ELAVL4: variants seen among roughly 807,000 people sequenced by gnomAD.
ELAVL4 encodes ELAV-like protein 4.
A neutral mutation model predicts 35.6 loss-of-function variants in ELAVL4; 1 was observed. The ratio of observed to expected loss-of-function variants is 0.03; its 90% CI spans 0.01 to 0.13. The LOEUF is 0.13. Ranked by LOEUF, ELAVL4 falls within the 10% of genes least tolerant of loss-of-function variation. ELAVL4 has a pLI of 1.00. For missense variants in ELAVL4, 267 were observed against 464.9 expected (o/e 0.57, Z 3.91); for synonymous variants, 156 against 171.0 (o/e 0.91, Z 0.69).
chr1:50,193,660 T>G, intron 3 of ELAVL4, 105 bp from the exon 4 acceptor site: 35 of 1,378,112 alleles, frequency 2.5e-5, no homozygotes, highest in Non-Finnish European at 3.0e-5. Context: ...ACTGACACCA[T>G]GAGTTGTAAC....
intron 1 of ELAVL4, among the ~76,000 whole-genome samples, chr1:50,049,906 G>T (rs1663263379): frequency 6.6e-6 from 1 of 152,196 alleles, no homozygotes; most frequent in African/African-American, 2.4e-5. Flanking sequence ...TAAGGTACTT[G>T]GGTGTGGGTT....
At chr1:50,050,084 C>G (rs936745593) in intron 1 of ELAVL4, among the ~76,000 whole-genome samples, 1 of 152,230 alleles carries the variant, frequency 6.6e-6, no homozygotes, top group Non-Finnish European at 1.5e-5. Context: ...CCTCACCACT[C>G]AGTAGTTATG....
chr1:50,150,925 T>G (rs1557787482), intron 2 of ELAVL4, among the ~76,000 whole-genome samples: 1 of 152,194 alleles, frequency 6.6e-6, no homozygotes, highest in African/African-American at 2.4e-5. Flanking sequence ...TAATAATGCT[T>G]TAAATATAGT....
chr1:50,147,529 G>A (rs1017010509), intron 2 of ELAVL4, among the ~76,000 whole-genome samples: 35 of 152,110 alleles, frequency 2.3e-4, no homozygotes, highest in Non-Finnish European at 4.7e-4. Context: ...TTGCTCTAGC[G>A]GAGGACCTCC....
At chr1:50,193,986 A>C in intron 4 of ELAVL4, 68 bp downstream of exon 4, 1 of 1,571,596 alleles carries the variant, frequency 6.4e-7, no homozygotes, top group Non-Finnish European at 8.7e-7. Flanking sequence ...TCATAAGAGC[A>C]GAAGGCTGAT....
At chr1:50,091,483 G>C (rs1665491664) in intron 1 of ELAVL4, among the ~76,000 whole-genome samples, 1 of 152,152 alleles carries the variant, frequency 6.6e-6, no homozygotes, top group Non-Finnish European at 1.5e-5. Context: ...AAGGCCATCA[G>C]AAGTGTTTAG....
chr1:50,158,027 G>A (rs1487643606), intron 2 of ELAVL4, among the ~76,000 whole-genome samples: 1 of 152,106 alleles, frequency 6.6e-6, no homozygotes, highest in South Asian at 2.1e-4. Context: ...CTATATCTAC[G>A]TCTCTGCCTT....
intron 2 of ELAVL4, among the ~76,000 whole-genome samples, chr1:50,157,441 A>G (rs977130793): frequency 6.6e-6 from 1 of 152,210 alleles, no homozygotes; most frequent in Admixed American, 6.5e-5. Context: ...GTGATAAGCT[A>G]TCTTTCCTTC....
intron 1 of ELAVL4, among the ~76,000 whole-genome samples, chr1:50,052,781 G>A (rs1367680754): frequency 6.6e-6 from 1 of 152,114 alleles, no homozygotes; most frequent in African/African-American, 2.4e-5. Context: ...CTAGTTTGAA[G>A]TTCATCTCTG....
At chr1:50,155,518 T>A (rs1478811517) in intron 2 of ELAVL4, among the ~76,000 whole-genome samples, 1 of 152,148 alleles carries the variant, frequency 6.6e-6, no homozygotes, top group Non-Finnish European at 1.5e-5. Flanking sequence ...GGGCAGGCAG[T>A]AACACAGAGA....
intron 4 of ELAVL4, among the ~76,000 whole-genome samples, chr1:50,194,156 A>G (rs1683085995): frequency 6.6e-6 from 1 of 152,216 alleles, no homozygotes; most frequent in Admixed American, 6.5e-5. Flanking sequence ...ACTACTTGCC[A>G]GGGTTGTAAA....
At chr1:50,197,974 C>G (rs144605729) in intron 6 of ELAVL4, among the ~76,000 whole-genome samples, 1 of 152,176 alleles carries the variant, frequency 6.6e-6, no homozygotes, top group East Asian at 1.9e-4. Context: ...TAAACAAACA[C>G]GTGGATGACT....
At chr1:50,114,310 G>T (rs1195122144) in intron 1 of ELAVL4, among the ~76,000 whole-genome samples, 2 of 152,038 alleles carry the variant, frequency 1.3e-5, no homozygotes, top group Non-Finnish European at 2.9e-5. Context: ...TAAAAATAAG[G>T]AGGCGGTAAG....
intron 3 of ELAVL4, among the ~76,000 whole-genome samples, chr1:50,191,179 C>T (rs1386099745): frequency 6.6e-6 from 1 of 152,192 alleles, no homozygotes; most frequent in Non-Finnish European, 1.5e-5. Context: ...TCCTTTACAG[C>T]AAGAGACTAT....
chr1:50,108,409 T>C (rs574298330), upstream of ELAVL4, among the ~76,000 whole-genome samples: 1 of 152,178 alleles, frequency 6.6e-6, no homozygotes, highest in Non-Finnish European at 1.5e-5. Flanking sequence ...TAAAGTTAAA[T>C]TGTAGATGAA....
intron 2 of ELAVL4, among the ~76,000 whole-genome samples, chr1:50,159,432 AC>A (rs968662833): frequency 1.3e-5 from 2 of 152,006 alleles, no homozygotes; most frequent in African/African-American, 4.8e-5. Context: ...ACATGGTGAA[AC>A]CCCATCTCTA....
chr1:50,077,212 T>G (rs1399313913), intron 1 of ELAVL4, among the ~76,000 whole-genome samples: 1 of 152,128 alleles, frequency 6.6e-6, no homozygotes. Flanking sequence ...GGGAGACATA[T>G]AGGGAATTGG....
chr1:50,077,403 C>A (rs927650618), intron 1 of ELAVL4, among the ~76,000 whole-genome samples: 5 of 152,192 alleles, frequency 3.3e-5, no homozygotes, highest in Admixed American at 6.5e-5. Context: ...GACAGTCAGG[C>A]AGGAGGAGTT....
intron 3 of ELAVL4, among the ~76,000 whole-genome samples, chr1:50,188,881 G>A (rs1682242119): frequency 6.6e-6 from 1 of 152,190 alleles, no homozygotes; most frequent in African/African-American, 2.4e-5. Context: ...CCACATGGAA[G>A]GAAACACTGG....
Sources: allele counts gnomAD v4.1 joint callset (sites outside exome capture counted in the v4.1 genomes callset), GRCh38; gene constraint gnomAD v4.1.1; transcripts MANE v1.5; gene names NCBI Gene and HGNC (gene_info 2026-07-23, HGNC 2026-07-21).